Variants in FRY observed in about 807,000 individuals in gnomAD.
The protein encoded by FRY is protein furry homolog.
Under a neutral mutation model 348.4 loss-of-function variants are expected in FRY, and 128 were observed. That is an observed-to-expected ratio of 0.37 (90% CI 0.32 to 0.43). The LOEUF (loss-of-function observed/expected upper bound fraction) is 0.43. Ranked by LOEUF, FRY falls within the 20% of genes least tolerant of loss-of-function variation. The probability of loss-of-function intolerance (pLI) is 1.00; values close to 1 mark genes in which losing one functional copy is unlikely to be tolerated. For synonymous variants in FRY, 1,370 were observed against 1,374.7 expected (o/e 1.00, Z 0.08); for missense variants, 2,736 against 3,695.2 (o/e 0.74, Z 6.73).
chr13:32,170,718 G>A (rs751031201), intron 17 of FRY, among the ~76,000 whole-genome samples: 1 of 152,030 alleles, frequency 6.6e-6, no homozygotes, highest in Non-Finnish European at 1.5e-5. Context: ...TGTATTTTTA[G>A]TAGAGACGGG....
At chr13:32,129,920 A>C (rs1205210995) in intron 7 of FRY, among the ~76,000 whole-genome samples, 7 of 152,142 alleles carry the variant, frequency 4.6e-5, no homozygotes, top group Non-Finnish European at 1.0e-4. Context: ...CCTTTGGTTA[A>C]ACAATGTCTC....
At chr13:32,109,975 T>C (rs1215903516) in intron 3 of FRY, among the ~76,000 whole-genome samples, 1 of 152,110 alleles carries the variant, frequency 6.6e-6, no homozygotes, top group Non-Finnish European at 1.5e-5. Context: ...AGGGCAGGGA[T>C]GGCCCATCAC....
In FRY at chr13:32,228,326, C is replaced by T. The variant is rs1008486013; in HGVS notation, c.5207-130C>T. On this transcript the variant is annotated intron_variant, in intron 39 of 60. Coordinates refer to ENST00000542859, the MANE Select transcript of FRY (RefSeq NM_023037.3). ...AGTCTCATTTAATCATAGCCACAGC[C>T]GAAAGCAACCATTTTCTCCCCAGAA... 3.3e-4 allele frequency: 263 copies of T among 794,604 alleles called. 1 individual carries two copies. Among genetic ancestry groups the T allele is most frequent in the East Asian group, 2.4e-4 (10 of 41,248 alleles). The allele number at this position is 794,604 out of a possible 1,614,324, so 49.2% of individuals were successfully genotyped here.
Position 32,276,473 on chromosome 13 carries a change from T to G in FRY, c.8296T>G (p.Cys2766Gly). 6.3e-7 allele frequency: 1 copy of G among 1,575,918 alleles called. No homozygotes were observed. The highest frequency in any genetic ancestry group is 8.7e-7 in the Non-Finnish European group (1 of 1,145,144). Residue 2766 changes from cysteine (C) to glycine (G), a missense_variant, in exon 57 of 61, where the codon TGT becomes GGT. By Grantham distance (159) the Cys-to-Gly change is radical. Coordinates refer to ENST00000542859, the MANE Select transcript of FRY (RefSeq NM_023037.3). The part of the protein sequence containing the change: ...LFVDAETLLS[C>G]GLLDKLKFSV... ...ATTTTCCTGTCTTTAGCTCCTTTCA[T>G]GTGGACTTCTGGACAAGCTCAAGTT...
At chr13:32,162,084 C>T (rs1423859742) in intron 17 of FRY, among the ~76,000 whole-genome samples, 1 of 152,060 alleles carries the variant, frequency 6.6e-6, no homozygotes, top group Admixed American at 6.5e-5. Context: ...AGTTTACAAA[C>T]CCAATGATGA....
At chr13:32,157,466 T>A in intron 16 of FRY, 61 bp downstream of exon 16, 1 of 1,437,438 alleles carries the variant, frequency 7.0e-7, no homozygotes, top group Non-Finnish European at 9.8e-7. Flanking sequence ...AAGTAGAGAG[T>A]ATTCTCATTT....
rs1885892499 is a variant in FRY at position 32,231,191 on chromosome 13, A to G, written c.5418A>G (p.Pro1806=). 1.9e-6 allele frequency: 3 copies of G among 1,613,642 alleles called. No individual in the cohort carries two copies. Among genetic ancestry groups the G allele is most frequent in the Non-Finnish European group, 2.5e-6 (3 of 1,179,528 alleles). The change falls in exon 41 of 61, where the codon CCA becomes CCG. Residue 1806 remains proline, a synonymous_variant. Coordinates refer to ENST00000542859, the MANE Select transcript of FRY (RefSeq NM_023037.3). The part of the protein sequence containing the change: ...IEFLTTRAFG[P]LWCHEDITPK... ...TGTTTTGTTTAAGGGCATTTGGTCC[A>G]CTTTGGTGCCATGAAGACATCACAC...
At chr13:32,259,869 AC>A (rs554112547) in intron 51 of FRY, among the ~76,000 whole-genome samples, 1 of 152,224 alleles carries the variant, frequency 6.6e-6, no homozygotes, top group South Asian at 2.1e-4. Flanking sequence ...AAAGAAAAAA[AC>A]ATATGGTGGT....
chr13:32,101,953 T>C lies in FRY; in HGVS notation c.271-10T>C. Reference sequence around the variant, plus strand: ...ATAATTATTCTTGCATATATTCTTTTTCTTTCTAGGAAAAGCCATTGACAA... The same window carrying C: ...ATAATTATTCTTGCATATATTCTTTCTCTTTCTAGGAAAAGCCATTGACAA... On this transcript the variant is annotated splice_polypyrimidine_tract_variant and intron_variant, in intron 2 of 60. Coordinates refer to ENST00000542859, the MANE Select transcript of FRY (RefSeq NM_023037.3). The C allele has an allele frequency of 7.0e-7, 1 of 1,420,532 alleles. No homozygotes were observed. 88.0% of individuals were successfully genotyped at this position (1,420,532 alleles called of 1,614,324 possible).
At chr13:32,104,205 C>A (rs749699961) in intron 3 of FRY, among the ~76,000 whole-genome samples, 7 of 152,182 alleles carry the variant, frequency 4.6e-5, no homozygotes, top group Non-Finnish European at 7.3e-5. Flanking sequence ...CTTTCTATTT[C>A]TGAATCTCAG....
intron 59 of FRY, chr13:32,292,026 A>G (rs1008901107): frequency 8.9e-6 from 4 of 451,754 alleles, no homozygotes; most frequent in African/African-American, 6.0e-5. Context: ...TCTGTTGCCC[A>G]GGCTGGAGTG....
chr13:32,112,595 A>G (rs1439881136), intron 3 of FRY, among the ~76,000 whole-genome samples: 2 of 152,238 alleles, frequency 1.3e-5, no homozygotes, highest in East Asian at 1.9e-4. Context: ...TGTGACTTAT[A>G]TTCTTAACTA....
intron 31 of FRY, among the ~76,000 whole-genome samples, chr13:32,207,731 T>C (rs1884436959): frequency 6.6e-6 from 1 of 152,240 alleles, no homozygotes; most frequent in African/African-American, 2.4e-5. Flanking sequence ...AAAATTATAA[T>C]TTTAATTTTA....
intron 55 of FRY, among the ~76,000 whole-genome samples, chr13:32,268,503 A>AT (rs60813461): frequency 1.3e-3 from 19 of 14,738 alleles, no homozygotes; most frequent in South Asian, 3.6e-3. Flanking sequence ...AAAAAAAAAA[A>AT]AAATATATAT....
intron 3 of FRY, among the ~76,000 whole-genome samples, chr13:32,111,459 G>T (rs2138671148): frequency 6.6e-6 from 1 of 152,242 alleles, no homozygotes; most frequent in Admixed American, 6.5e-5. Flanking sequence ...TTGTGCTGCT[G>T]CACTCCAGTC....
At chr13:32,157,240 G>C in intron 15 of FRY, 33 bp from the exon 16 acceptor site, 1 of 1,590,006 alleles carries the variant, frequency 6.3e-7, no homozygotes, top group Non-Finnish European at 8.6e-7. Context: ...GATAGATTCA[G>C]TTGAAGGTAT....
chr13:32,131,645 G>T, intron 7 of FRY, 27 bp from the exon 8 acceptor site: 1 of 1,591,242 alleles, frequency 6.3e-7, no homozygotes, highest in South Asian at 1.1e-5. Flanking sequence ...CCCAATATTT[G>T]ATAAACCACT....
intron 13 of FRY, among the ~76,000 whole-genome samples, chr13:32,149,240 ATATAT>A (rs1240194653): frequency 1.3e-5 from 2 of 150,584 alleles, no homozygotes; most frequent in African/African-American, 4.9e-5. Context: ...TACACCCCTG[ATATAT>A]TAAGTAACCT....
In FRY at chr13:32,281,956, C is replaced by A. The variant is rs183141969; in HGVS notation, c.8469+3408C>A. 5.9e-5 allele frequency among the ~76,000 whole-genome samples: 9 copies of A among 152,292 alleles called. No homozygotes were observed. In the East Asian group the frequency reaches 1.7e-3, roughly 29 times the overall value. On this transcript the variant is annotated intron_variant, in intron 58 of 60. Coordinates refer to ENST00000542859, the MANE Select transcript of FRY (RefSeq NM_023037.3). Reference sequence around the variant, plus strand: ...CCTTGAGGCATGGCTAGGCACCATGCAGAGTACACAAATCAGGCAGCCTCG... The same window carrying A: ...CCTTGAGGCATGGCTAGGCACCATGAAGAGTACACAAATCAGGCAGCCTCG...
Sources: allele counts gnomAD v4.1 joint callset (sites outside exome capture counted in the v4.1 genomes callset), GRCh38; gene constraint gnomAD v4.1.1; transcripts MANE v1.5; gene names NCBI Gene and HGNC (gene_info 2026-07-23, HGNC 2026-07-21).